PKD1L1: variants seen among roughly 807,000 people sequenced by gnomAD.
PKD1L1 encodes the protein polycystin 1 like 1, transient receptor potential channel interacting.
A neutral mutation model predicts 323.4 loss-of-function variants in PKD1L1; 236 were observed. The ratio of observed to expected loss-of-function variants is 0.73; its 90% CI spans 0.66 to 0.81. The LOEUF is 0.81. Ranked by LOEUF, PKD1L1 falls within the 40% of genes least tolerant of loss-of-function variation. The probability of loss-of-function intolerance (pLI) is 0.00; values close to 1 mark genes in which losing one functional copy is unlikely to be tolerated. For synonymous variants in PKD1L1, 1,344 were observed against 1,335.0 expected (o/e 1.01, Z -0.15); for missense variants, 3,320 against 3,508.0 (o/e 0.95, Z 1.35).
chr7:47,908,271 G>C (rs553227846), intron 8 of PKD1L1, 21 bp from the exon 9 acceptor site: 2 of 1,598,014 alleles, frequency 1.3e-6, no homozygotes, highest in Admixed American at 1.7e-5. Flanking sequence ...AAGAATGAAC[G>C]GACACTTGAT....
intron 7 of PKD1L1, among the ~76,000 whole-genome samples, chr7:47,924,245 G>C (rs1221467488): frequency 6.6e-6 from 1 of 152,100 alleles, no homozygotes; most frequent in African/African-American, 2.4e-5. Flanking sequence ...TTCCCAGCAG[G>C]GTTCTGGGAA....
intron 41 of PKD1L1, among the ~76,000 whole-genome samples, chr7:47,831,761 C>A (rs77300704): frequency 0.036 from 5,458 of 152,314 alleles, 151 homozygotes; most frequent in South Asian, 0.13. Flanking sequence ...CCTCTTCTGA[C>A]CTGCATAGGG....
At chr7:47,879,662 G>A (rs987827345) in intron 21 of PKD1L1, among the ~76,000 whole-genome samples, 2 of 135,108 alleles carry the variant, frequency 1.5e-5, no homozygotes, top group East Asian at 2.1e-4. Context: ...GGCCAGGCAC[G>A]GTGGCTCACG....
Position 47,795,956 on chromosome 7 carries a change from T to A in PKD1L1, c.8355+33A>T, listed in dbSNP as rs752899340. On this transcript the variant is annotated intron_variant, in intron 55 of 56. Coordinates refer to ENST00000289672, the MANE Select transcript of PKD1L1 (RefSeq NM_138295.5). Reference sequence around the variant, plus strand: ...AAACCATCATCTTGAGTGTGTGCTATCATGCTCAGTAATCCAAGATCTCAC... The same window carrying A: ...AAACCATCATCTTGAGTGTGTGCTAACATGCTCAGTAATCCAAGATCTCAC... The A allele has an allele frequency of 9.4e-6, 15 of 1,598,254 alleles. No homozygotes were observed. In the African/African-American group the frequency reaches 1.5e-4, roughly 16 times the overall value.
At chr7:47,936,590 A>G (rs1263280720) in intron 4 of PKD1L1, among the ~76,000 whole-genome samples, 5 of 152,186 alleles carry the variant, frequency 3.3e-5, no homozygotes, top group Admixed American at 3.3e-4. Context: ...CAAAATAGAG[A>G]TGATGATGAT....
At chr7:47,803,926 G>GGGCAAA (rs1784720805) in intron 52 of PKD1L1, among the ~76,000 whole-genome samples, 1 of 152,160 alleles carries the variant, frequency 6.6e-6, no homozygotes, top group Non-Finnish European at 1.5e-5. Context: ...GGGGCAAACA[G>GGGCAAA]CCTTATGGAC....
intron 56 of PKD1L1, among the ~76,000 whole-genome samples, chr7:47,786,897 C>G (rs556831488): frequency 6.6e-6 from 1 of 152,002 alleles, no homozygotes; most frequent in Non-Finnish European, 1.5e-5. Context: ...TTAAGGGGGC[C>G]GAGCTGGCAA....
chr7:47,949,647 A>G (rs1261802948), upstream of PKD1L1, among the ~76,000 whole-genome samples: 1 of 152,164 alleles, frequency 6.6e-6, no homozygotes, highest in Non-Finnish European at 1.5e-5. Flanking sequence ...TTATACCAAC[A>G]TTTAAACCTT....
At chr7:47,930,582 C>T (rs1395811603) in intron 6 of PKD1L1, among the ~76,000 whole-genome samples, 3 of 151,790 alleles carry the variant, frequency 2.0e-5, no homozygotes, top group Non-Finnish European at 2.9e-5. Context: ...TTTGGGAGGC[C>T]GAGGCGGGTG....
intron 17 of PKD1L1, among the ~76,000 whole-genome samples, chr7:47,887,438 T>C (rs903206576): frequency 7.2e-5 from 11 of 152,236 alleles, no homozygotes; most frequent in Admixed American, 5.9e-4. Context: ...CCCAGTGTCC[T>C]GACACCAGTG....
At chr7:47,856,805 C>A (rs1254556302) in intron 28 of PKD1L1, among the ~76,000 whole-genome samples, 1 of 152,150 alleles carries the variant, frequency 6.6e-6, no homozygotes, top group Non-Finnish European at 1.5e-5. Context: ...AAAAGATGAG[C>A]ATTTTTTGAC....
At chr7:47,943,259 T>TA (rs1788034645) in intron 2 of PKD1L1, 137 bp downstream of exon 2, 1 of 617,588 alleles carries the variant, frequency 1.6e-6, no homozygotes, top group Admixed American at 3.0e-5. Flanking sequence ...AACAGCAGGT[T>TA]TAAGATCACT....
rs1233466159 is a variant in PKD1L1 at position 47,898,010 on chromosome 7, C to T, written c.2249G>A (p.Gly750Glu). Residue 750 changes from glycine to glutamate, a missense_variant, in exon 14 of 57, where the codon GGG becomes GAG. Coordinates refer to ENST00000289672, the MANE Select transcript of PKD1L1 (RefSeq NM_138295.5). The stretch of plus-strand genomic sequence containing the variant: ...GACCTTGGCAAGGGCAGTGTAGTTC[C>T]CATACTCCAAGGTGTGGCTCGGGAG... ...LILPSHTLEY[G>E]NYTALAKVQI... 20 of 1,612,096 alleles carry T rather than the reference C, an allele frequency of 1.2e-5. No homozygotes were observed. Among genetic ancestry groups the T allele is most frequent in the Non-Finnish European group, 1.7e-5 (20 of 1,179,740 alleles).
intron 7 of PKD1L1, among the ~76,000 whole-genome samples, chr7:47,919,174 G>C (rs1024282764): frequency 1.3e-5 from 2 of 151,956 alleles, no homozygotes; most frequent in African/African-American, 4.8e-5. Flanking sequence ...AGCTCAATAA[G>C]AAACAAAACA....
At chr7:47,910,335 C>CTTTT (rs764658101) in intron 8 of PKD1L1, among the ~76,000 whole-genome samples, 1 of 137,534 alleles carries the variant, frequency 7.3e-6, no homozygotes, top group Non-Finnish European at 1.6e-5. Context: ...ATCTTACTTT[C>CTTTT]TTTTTTTTTT....
chr7:47,880,284 A>ATATTTTTTTTTTTTT (rs1225214936), intron 21 of PKD1L1, among the ~76,000 whole-genome samples: 18 of 56,762 alleles, frequency 3.2e-4, no homozygotes, highest in Non-Finnish European at 4.0e-4. Context: ...ATATATATAT[A>ATATTTTTTTTTTTTT]TTTTTTTTTT....
At chr7:47,816,186 C>G (rs1373682841) in intron 46 of PKD1L1, among the ~76,000 whole-genome samples, 1 of 152,210 alleles carries the variant, frequency 6.6e-6, no homozygotes, top group Non-Finnish European at 1.5e-5. Flanking sequence ...TCCCAAGATG[C>G]CTGTGAGTGG....
chr7:47,949,272 G>A (rs1031185172), upstream of PKD1L1, among the ~76,000 whole-genome samples: 1 of 147,980 alleles, frequency 6.8e-6, no homozygotes, highest in Non-Finnish European at 1.5e-5. Flanking sequence ...GGGAGGCTGA[G>A]GCAGGAGAAT....
At chr7:47,788,365 A>T (rs999470747) in intron 56 of PKD1L1, among the ~76,000 whole-genome samples, 3 of 149,778 alleles carry the variant, frequency 2.0e-5, no homozygotes, top group Non-Finnish European at 3.0e-5. Context: ...ATCTCTGCTC[A>T]CTGCAACCTC....
Sources: gnomAD v4.1 joint callset for allele counts (sites outside exome capture counted in the v4.1 genomes callset) on GRCh38, gnomAD v4.1.1 for gene constraint, MANE v1.5 for transcripts, NCBI Gene and HGNC (gene_info 2026-07-23, HGNC 2026-07-21) for gene names.